NPAS3: variants seen among roughly 807,000 people sequenced by gnomAD.
NPAS3 encodes neuronal PAS domain-containing protein 3.
Under a neutral mutation model 73.1 loss-of-function variants are expected in NPAS3, and 14 were observed. The ratio of observed to expected loss-of-function variants is 0.19; its 90% CI spans 0.13 to 0.30. The LOEUF (loss-of-function observed/expected upper bound fraction) is 0.30, where lower values mean the gene tolerates loss of function less well. Ranked by LOEUF, NPAS3 falls within the 10% of genes least tolerant of loss-of-function variation. The probability of loss-of-function intolerance (pLI) is 1.00; values close to 1 mark genes in which losing one functional copy is unlikely to be tolerated. For missense variants in NPAS3, 1,096 were observed against 1,250.0 expected, an observed-to-expected ratio of 0.88 and a Z score of 1.86; for synonymous variants, 620 against 541.5, an observed-to-expected ratio of 1.14 and a Z score of -2.01.
At chr14:33,601,785 C>T (rs963267014) in intron 5 of NPAS3, among the ~76,000 whole-genome samples, 15 of 152,104 alleles carry the variant, frequency 9.9e-5, no homozygotes, top group African/African-American at 2.9e-4. Context: ...TGTCTTTTAG[C>T]GGTAAATATC....
At chr14:33,361,752 G>T (rs931927694) in intron 3 of NPAS3, among the ~76,000 whole-genome samples, 2 of 152,094 alleles carry the variant, frequency 1.3e-5, no homozygotes, top group Non-Finnish European at 2.9e-5. Context: ...TATGAATTAT[G>T]AAGATAGTTT....
intron 4 of NPAS3, among the ~76,000 whole-genome samples, chr14:33,523,473 A>AT (rs57186643): frequency 6.7e-6 from 1 of 148,450 alleles, no homozygotes; most frequent in Non-Finnish European, 1.5e-5. Context: ...AAAAAAAAAA[A>AT]GATCCTGGGC....
At chr14:33,725,500 C>T (rs2061240235) in intron 6 of NPAS3, among the ~76,000 whole-genome samples, 1 of 151,982 alleles carries the variant, frequency 6.6e-6, no homozygotes, top group African/African-American at 2.4e-5. Context: ...TTCATGTTTT[C>T]AAAATTTTCT....
At chr14:32,973,351 C>T (rs2037517188) in intron 1 of NPAS3, among the ~76,000 whole-genome samples, 1 of 151,960 alleles carries the variant, frequency 6.6e-6, no homozygotes, top group African/African-American at 2.4e-5. Context: ...GTCCATTATT[C>T]TGCCATGTTA....
At chr14:33,765,903 T>A (rs983318492) in intron 7 of NPAS3, among the ~76,000 whole-genome samples, 1 of 152,146 alleles carries the variant, frequency 6.6e-6, no homozygotes, top group African/African-American at 2.4e-5. Flanking sequence ...ATCTGAACTT[T>A]TGGGGCAGGA....
chr14:33,507,332 G>C (rs941599850), intron 4 of NPAS3, among the ~76,000 whole-genome samples: 1 of 151,986 alleles, frequency 6.6e-6, no homozygotes, highest in Admixed American at 6.6e-5. Flanking sequence ...TGATCAAATA[G>C]AAATAGAAAT....
intron 1 of NPAS3, among the ~76,000 whole-genome samples, chr14:33,015,850 A>T (rs961872227): frequency 2.0e-5 from 3 of 152,330 alleles, no homozygotes; most frequent in African/African-American, 7.2e-5. Flanking sequence ...GTAAACATCT[A>T]TTACTTTGAC....
intron 4 of NPAS3, among the ~76,000 whole-genome samples, chr14:33,373,122 C>A (rs1413575346): frequency 6.6e-6 from 1 of 152,194 alleles, no homozygotes; most frequent in Non-Finnish European, 1.5e-5. Flanking sequence ...ACTGGAATGA[C>A]TTTCCCTTAG....
chr14:33,736,370 A>G (rs1302716017), intron 7 of NPAS3, among the ~76,000 whole-genome samples: 3 of 152,176 alleles, frequency 2.0e-5, no homozygotes, highest in African/African-American at 4.8e-5. Flanking sequence ...TCCTTCCAAG[A>G]AAGACCTTTA....
Position 33,421,886 on chromosome 14 carries a change from A to G in NPAS3, c.468+54618A>G, listed in dbSNP as rs532275828. ...TTAGATTGAAAGATTGAAAGTGGACACTATGGATAGGAAGTAAATGAAACC... is the reference window on the plus strand; with the variant it reads ...TTAGATTGAAAGATTGAAAGTGGACGCTATGGATAGGAAGTAAATGAAACC... On this transcript the variant is annotated intron_variant, in intron 4 of 11. Coordinates refer to ENST00000356141, the Ensembl canonical transcript of NPAS3. Among the ~76,000 whole-genome samples, 8 of 152,110 alleles carry G rather than the reference A, an allele frequency of 5.3e-5. No homozygotes were observed. In the South Asian group the frequency reaches 8.3e-4, roughly 16 times the overall value.
chr14:33,275,120 T>G (rs949023672), intron 3 of NPAS3, among the ~76,000 whole-genome samples: 5 of 152,126 alleles, frequency 3.3e-5, no homozygotes, highest in Admixed American at 6.6e-5. Context: ...ATCCAGATAA[T>G]AAAGTATAGC....
At chr14:33,688,846 T>C (rs2060158216) in intron 6 of NPAS3, among the ~76,000 whole-genome samples, 1 of 152,196 alleles carries the variant, frequency 6.6e-6, no homozygotes, top group South Asian at 2.1e-4. Context: ...CAGCAGTAGA[T>C]TTTGGTGCAA....
intron 4 of NPAS3, among the ~76,000 whole-genome samples, chr14:33,393,831 A>G (rs945803132): frequency 3.9e-5 from 6 of 152,234 alleles, no homozygotes; most frequent in Middle Eastern, 3.4e-3. Context: ...ACTGCTATCA[A>G]TATTGCTCCT....
At chr14:33,648,061 C>T (rs1302243231) in intron 5 of NPAS3, among the ~76,000 whole-genome samples, 3 of 152,136 alleles carry the variant, frequency 2.0e-5, no homozygotes, top group Non-Finnish European at 4.4e-5. Context: ...CACCCCTCTC[C>T]GTTTGATTTT....
At chr14:32,993,231 C>T (rs1483329587) in intron 1 of NPAS3, among the ~76,000 whole-genome samples, 1 of 151,530 alleles carries the variant, frequency 6.6e-6, no homozygotes, top group Non-Finnish European at 1.5e-5. Flanking sequence ...GTAAAAATGT[C>T]CATGGGCCCT....
At chr14:33,781,100 C>T (rs1261795487) in intron 9 of NPAS3, among the ~76,000 whole-genome samples, 1 of 152,132 alleles carries the variant, frequency 6.6e-6, no homozygotes, top group African/African-American at 2.4e-5. Flanking sequence ...TCCACAATGT[C>T]AAGTAGCACA....
At chr14:33,576,738 A>G (rs28387692) in intron 5 of NPAS3, among the ~76,000 whole-genome samples, 2,651 of 152,324 alleles carry the variant, frequency 0.017, 75 homozygotes, top group African/African-American at 0.058. Context: ...CTCTTCTGAT[A>G]CGAATCGAGA....
chr14:33,408,327 A>T (rs904443893), intron 4 of NPAS3, among the ~76,000 whole-genome samples: 2 of 152,194 alleles, frequency 1.3e-5, no homozygotes, highest in East Asian at 3.9e-4. Flanking sequence ...AAACATCTCC[A>T]GGTGGGTTGA....
At chr14:33,256,278 T>C (rs77207796) in intron 3 of NPAS3, among the ~76,000 whole-genome samples, 2,129 of 152,322 alleles carry the variant, frequency 0.014, 89 homozygotes, top group East Asian at 0.14. Context: ...ATTTTGACTA[T>C]AGAAATTGAT....
Sources: allele counts gnomAD v4.1 joint callset (sites outside exome capture counted in the v4.1 genomes callset), GRCh38; gene constraint gnomAD v4.1.1; transcripts MANE v1.5; gene names NCBI Gene and HGNC (gene_info 2026-07-23, HGNC 2026-07-21).